Variants in UTS2 observed in about 807,000 individuals in gnomAD.
The protein encoded by UTS2 is urotensin 2.
Under a neutral mutation model 12.6 loss-of-function variants are expected in UTS2, and 10 were observed. That is an observed-to-expected ratio of 0.80 (90% CI 0.49 to 1.35). The LOEUF is 1.35. Ranked by LOEUF, UTS2 falls within the 40% of genes most tolerant of loss-of-function variation. The pLI, the probability that UTS2 is intolerant of heterozygous loss-of-function variation, is 0.00. For synonymous variants in UTS2, 52 were observed against 50.0 expected, an observed-to-expected ratio of 1.04 and a Z score of -0.17; for missense variants, 142 against 143.2, an observed-to-expected ratio of 0.99 and a Z score of 0.04.
chr1:7,894,348 AT>A, the UTS2 span, among the ~76,000 whole-genome samples: 1 of 151,464 alleles, frequency 6.6e-6, no homozygotes. Flanking sequence ...TAGTTTTTGT[AT>A]TTTTTGTAGA....
At chr1:7,910,524 T>C in the UTS2 span, among the ~76,000 whole-genome samples, 3 of 152,230 alleles carry the variant, frequency 2.0e-5, no homozygotes, top group African/African-American at 7.2e-5. Context: ...GTCCATACTC[T>C]GTTGAACCTA....
At chr1:7,871,814 T>G in the UTS2 span, among the ~76,000 whole-genome samples, 3 of 152,102 alleles carry the variant, frequency 2.0e-5, no homozygotes, top group Non-Finnish European at 4.4e-5. Context: ...GACAGCAAAT[T>G]TAACTGATAA....
chr1:7,875,138 G>C, the UTS2 span, among the ~76,000 whole-genome samples: 1 of 151,170 alleles, frequency 6.6e-6, no homozygotes, highest in Admixed American at 6.6e-5. Context: ...GCAGTGGCGC[G>C]ATCTAGGCTC....
upstream of UTS2, among the ~76,000 whole-genome samples, chr1:7,854,748 G>A (rs1638271913): frequency 6.6e-6 from 1 of 152,022 alleles, no homozygotes; most frequent in South Asian, 2.1e-4. Flanking sequence ...TCGATTTTGT[G>A]TTCTCATCAC....
At chr1:7,869,279 C>G in the UTS2 span, among the ~76,000 whole-genome samples, 1 of 152,202 alleles carries the variant, frequency 6.6e-6, no homozygotes, top group Non-Finnish European at 1.5e-5. Flanking sequence ...ATGACCTTGA[C>G]CATCTGGGAA....
At chr1:7,854,873 A>C (rs916768486), upstream of UTS2, among the ~76,000 whole-genome samples, 2 of 151,150 alleles carry the variant, frequency 1.3e-5, no homozygotes, top group African/African-American at 2.4e-5. Context: ...TAATAATAAT[A>C]ATCATGGCCA....
At chr1:7,880,502 A>T in the UTS2 span, among the ~76,000 whole-genome samples, 5 of 152,304 alleles carry the variant, frequency 3.3e-5, 1 homozygote, top group Middle Eastern at 0.017. Context: ...ATACCACAGA[A>T]ATACAAAGGA....
upstream of UTS2, chr1:7,853,115 C>T (rs2097415867): frequency 1.2e-5 from 16 of 1,384,640 alleles, no homozygotes; most frequent in Non-Finnish European, 1.5e-5. Context: ...GACCTGACAT[C>T]ATCCTCTCCA....
chr1:7,859,873 C>T, the UTS2 span, among the ~76,000 whole-genome samples: 1 of 152,124 alleles, frequency 6.6e-6, no homozygotes, highest in Admixed American at 6.5e-5. Context: ...GTTGCATGCA[C>T]CTGTAGTCCC....
the UTS2 span, among the ~76,000 whole-genome samples, chr1:7,863,083 G>GTATT: frequency 3.6e-4 from 34 of 95,614 alleles, 2 homozygotes; most frequent in East Asian, 5.7e-3. Context: ...GTATTGTATT[G>GTATT]TATTGTATTG....
chr1:7,872,449 G>T, the UTS2 span, among the ~76,000 whole-genome samples: 1 of 152,096 alleles, frequency 6.6e-6, no homozygotes, highest in Non-Finnish European at 1.5e-5. Flanking sequence ...AAAAGCTCTT[G>T]AAGGAAATCC....
chr1:7,862,306 G>A, the UTS2 span, among the ~76,000 whole-genome samples: 16 of 151,884 alleles, frequency 1.1e-4, no homozygotes, highest in Non-Finnish European at 1.9e-4. Context: ...CAGTTCCCCC[G>A]CTATGTCCCC....
At chr1:7,866,060 C>T in the UTS2 span, among the ~76,000 whole-genome samples, 1 of 152,248 alleles carries the variant, frequency 6.6e-6, no homozygotes, top group Non-Finnish European at 1.5e-5. The surrounding 1 kb of genome is among the most constrained non-coding windows in gnomAD (Gnocchi z 4.5). Flanking sequence ...CATGAAGAGC[C>T]ACAGGCACCG....
chr1:7,852,779 C>A, intron 1 of UTS2, 122 bp downstream of exon 1: 1 of 1,119,828 alleles, frequency 8.9e-7, no homozygotes, highest in Non-Finnish European at 1.2e-6. Flanking sequence ...AAAGCTGGGA[C>A]TATTGAGAGA....
At chr1:7,904,176 T>C in the UTS2 span, among the ~76,000 whole-genome samples, 2 of 152,068 alleles carry the variant, frequency 1.3e-5, no homozygotes, top group Non-Finnish European at 2.9e-5. Flanking sequence ...TTTTAAGGAA[T>C]GTGTCTAATG....
upstream of UTS2, among the ~76,000 whole-genome samples, chr1:7,856,498 C>T (rs890915788): frequency 6.6e-6 from 1 of 152,140 alleles, no homozygotes; most frequent in African/African-American, 2.4e-5. Context: ...GAGCCTCCAG[C>T]GAGAGAAGTC....
chr1:7,881,613 T>C, the UTS2 span, among the ~76,000 whole-genome samples: 1 of 152,078 alleles, frequency 6.6e-6, no homozygotes, highest in African/African-American at 2.4e-5. Context: ...TACAAAACAC[T>C]GATGAAAGAA....
upstream of UTS2, among the ~76,000 whole-genome samples, chr1:7,858,031 G>T (rs553816481): frequency 6.6e-6 from 1 of 152,282 alleles, no homozygotes; most frequent in African/African-American, 2.4e-5. Context: ...TCAAAATGAG[G>T]TGGGAGATGA....
the UTS2 span, among the ~76,000 whole-genome samples, chr1:7,863,108 GTATTGTATTGTATTGTATT>G: frequency 1.5e-5 from 2 of 134,964 alleles, no homozygotes; most frequent in African/African-American, 6.0e-5. Flanking sequence ...GTATTGTATT[GTATTGTATTGTATTGTATT>G]TGAGACGAAG....
Sources: allele counts gnomAD v4.1 joint callset (sites outside exome capture counted in the v4.1 genomes callset), GRCh38; gene constraint gnomAD v4.1.1; non-coding constraint Gnocchi (gnomAD v3.1); transcripts MANE v1.5; gene names NCBI Gene and HGNC (gene_info 2026-07-23, HGNC 2026-07-21).